ARID1B: variants seen among roughly 807,000 people sequenced by gnomAD.
The protein encoded by ARID1B is AT-rich interactive domain-containing protein 1B.
A neutral mutation model predicts 212.3 loss-of-function variants in ARID1B; 30 were observed. The ratio of observed to expected loss-of-function variants is 0.14; its 90% CI spans 0.11 to 0.19. ARID1B has a LOEUF of 0.19. Among genes scored for constraint, ARID1B ranks in the 10% least tolerant of loss-of-function variants. The probability of loss-of-function intolerance (pLI) is 1.00; values close to 1 mark genes in which losing one functional copy is unlikely to be tolerated. For missense variants in ARID1B, 2,891 were observed against 3,204.0 expected (o/e 0.90, Z 2.36); for synonymous variants, 1,402 against 1,301.7 (o/e 1.08, Z -1.66).
In ARID1B at chr6:156,935,493, A is replaced by G. The variant is rs1554270807; in HGVS notation, c.2164A>G (p.Arg722Gly). Residue 722 changes from arginine (R) to glycine (G), a missense_variant, in exon 4 of 20, where the codon AGA becomes GGA. Transcript: ENST00000636930. ...CATGTCTCAGGAAGGCTATGGAACTAGATCTCAACCTCCTCTGGCCCCCGG... is the reference window on the plus strand; with the variant it reads ...CATGTCTCAGGAAGGCTATGGAACTGGATCTCAACCTCCTCTGGCCCCCGG... The part of the protein sequence containing the change: ...QDMSQEGYGT[R>G]SQPPLAPGKP... 6.2e-7 allele frequency: 1 copy of G among 1,613,884 alleles called. No homozygotes were observed. The highest frequency in any genetic ancestry group is 8.5e-7 in the Non-Finnish European group (1 of 1,179,792).
intron 6 of ARID1B, among the ~76,000 whole-genome samples, chr6:157,132,693 G>T (rs545350243): frequency 2.0e-5 from 3 of 152,314 alleles, no homozygotes; most frequent in African/African-American, 7.2e-5. Context: ...TTGCAGTACA[G>T]CAGTCGGTCA....
At chr6:156,944,633 A>T (rs1792925707) in intron 4 of ARID1B, among the ~76,000 whole-genome samples, 1 of 152,226 alleles carries the variant, frequency 6.6e-6, no homozygotes. Context: ...TTCTGAACCA[A>T]GTTGATCATG....
rs980070415 is a variant in ARID1B at position 157,210,292 on chromosome 6, T to C, written c.*2401T>C. On this transcript the variant is annotated 3_prime_UTR_variant, in exon 20 of 20. Coordinates refer to ENST00000636930, the MANE Select transcript of ARID1B (RefSeq NM_001374828.1). Reference sequence around the variant, plus strand: ...AAATATGGAGATTTGTAAGAGGGAATTCAATATTATTCTAATTTCTCTCTT... The same window carrying C: ...AAATATGGAGATTTGTAAGAGGGAACTCAATATTATTCTAATTTCTCTCTT... 4.3e-6 allele frequency: 1 copy of C among 230,706 alleles called. No homozygotes were observed. The highest frequency in any genetic ancestry group is 8.6e-6 in the Non-Finnish European group (1 of 116,640). The allele number at this position is 230,706 out of a possible 1,614,324, so 14.3% of individuals were successfully genotyped here. A position where few individuals can be genotyped will look rare whatever the true frequency, so the allele number is the denominator to read the frequency against.
At chr6:156,782,165 G>A (rs1779329008) in intron 1 of ARID1B, among the ~76,000 whole-genome samples, 1 of 151,392 alleles carries the variant, frequency 6.6e-6, no homozygotes, top group African/African-American at 2.4e-5. Flanking sequence ...ATTATACTAA[G>A]AAACAGTCAT....
chr6:156,966,385 TC>T (rs375140985), intron 4 of ARID1B, among the ~76,000 whole-genome samples: 25,386 of 81,158 alleles, frequency 0.31, 2,741 homozygotes, highest in East Asian at 0.51. Context: ...TCTTTTCTTT[TC>T]TTTTTTTTTT....
At chr6:157,009,237 G>C (rs1347258488) in intron 4 of ARID1B, among the ~76,000 whole-genome samples, 1 of 152,226 alleles carries the variant, frequency 6.6e-6, no homozygotes, top group African/African-American at 2.4e-5. Flanking sequence ...CAGTAGTTCT[G>C]TGTTGAGTAA....
intron 12 of ARID1B, 126 bp downstream of exon 12, chr6:157,181,304 G>T: frequency 8.1e-7 from 1 of 1,229,228 alleles, no homozygotes; most frequent in South Asian, 1.5e-5. Flanking sequence ...TGTGAAAGTC[G>T]CCTTCTTGCA....
At chr6:157,118,122 C>G (rs912687683) in intron 6 of ARID1B, among the ~76,000 whole-genome samples, 4 of 152,174 alleles carry the variant, frequency 2.6e-5, no homozygotes, top group Admixed American at 2.0e-4. Context: ...GAAAATTACT[C>G]TTGAATATCT....
chr6:156,850,144 A>G (rs1208850785), intron 2 of ARID1B, among the ~76,000 whole-genome samples: 1 of 151,588 alleles, frequency 6.6e-6, no homozygotes, highest in African/African-American at 2.4e-5. Flanking sequence ...ACCAATTGAC[A>G]GGCTGCACTG....
In ARID1B at chr6:157,069,355, T is replaced by C. The variant is rs1023503255; in HGVS notation, c.2248-15307T>C. Among the ~76,000 whole-genome samples the C allele has an allele frequency of 5.9e-5, 9 of 152,236 alleles. No individual in the cohort carries two copies. The East Asian group carries it at 1.7e-3, about 29-fold the overall frequency. ...GTAGCAAGTTCCTGAGGACTGTTTA[T>C]GGCCTCTCATTGTCAACTGTGGGCT... is the stretch of plus-strand genomic sequence containing the variant. On this transcript the variant is annotated intron_variant, in intron 4 of 19. Transcript: ENST00000636930.
At chr6:156,866,292 A>G (rs1247717868) in intron 2 of ARID1B, among the ~76,000 whole-genome samples, 1 of 152,108 alleles carries the variant, frequency 6.6e-6, no homozygotes, top group East Asian at 1.9e-4. Flanking sequence ...TGCCAGGGTG[A>G]AGGAGGAGCT....
chr6:157,063,121 CT>C (rs370603043), intron 4 of ARID1B, among the ~76,000 whole-genome samples: 5,964 of 146,318 alleles, frequency 0.041, 370 homozygotes, highest in African/African-American at 0.14. Context: ...TGGCTTTTCC[CT>C]TTTTTTTTTT....
Position 156,955,974 on chromosome 6 carries a change from T to C in ARID1B, c.2247+20398T>C, listed in dbSNP as rs1490239828. ...ATCTGTGTATCTGCCAAGTGCCCTG[T>C]GCTTTGCTTTTTACCACCAACTGCT... On this transcript the variant is annotated intron_variant, in intron 4 of 19. Coordinates refer to ENST00000636930, the MANE Select transcript of ARID1B (RefSeq NM_001374828.1). This position sits in a 1 kb window ranked among gnomAD's most constrained non-coding sequence, Gnocchi z 4.2. Among the ~76,000 whole-genome samples, 2 of 152,308 alleles carry C rather than the reference T, an allele frequency of 1.3e-5. No individual in the cohort carries two copies. The highest frequency in any genetic ancestry group is 1.9e-4 in the East Asian group (1 of 5,172).
chr6:156,992,044 G>A (rs1274031562), intron 4 of ARID1B, among the ~76,000 whole-genome samples: 1 of 152,146 alleles, frequency 6.6e-6, no homozygotes, highest in Non-Finnish European at 1.5e-5. Flanking sequence ...CTTAGACATA[G>A]GCATTATTTT....
chr6:156,903,233 A>T (rs1331154475), intron 3 of ARID1B, among the ~76,000 whole-genome samples: 6 of 152,226 alleles, frequency 3.9e-5, no homozygotes, highest in Non-Finnish European at 5.9e-5. Flanking sequence ...TCTTATTTTA[A>T]TGAATATTAT....
intron 3 of ARID1B, among the ~76,000 whole-genome samples, chr6:156,915,579 A>T (rs1475994911): frequency 2.3e-5 from 3 of 131,616 alleles, no homozygotes; most frequent in African/African-American, 1.1e-4. Context: ...AAAAAAATTA[A>T]AAAAAAAAAA....
intron 8 of ARID1B, among the ~76,000 whole-genome samples, chr6:157,160,455 C>T (rs1790854272): frequency 6.6e-6 from 1 of 152,212 alleles, no homozygotes; most frequent in Non-Finnish European, 1.5e-5. Flanking sequence ...CACGATATTG[C>T]TCAACTCTCT....
chr6:157,153,351 A>G (rs1790337084), intron 8 of ARID1B, among the ~76,000 whole-genome samples: 1 of 152,238 alleles, frequency 6.6e-6, no homozygotes. Context: ...TATAAGTAAT[A>G]TCTGTACAGA....
At position 157,203,643 on chromosome 6, in the gene ARID1B, C is replaced by T. The variant is rs1794258491; in HGVS notation, c.5264-223C>T. 8 of 563,926 alleles carry T rather than the reference C, an allele frequency of 1.4e-5. No individual in the cohort carries two copies. Among genetic ancestry groups the T allele is most frequent in the South Asian group, 6.0e-5 (3 of 50,050 alleles). 34.9% of individuals were successfully genotyped at this position (563,926 alleles called of 1,614,324 possible). On this transcript the variant is annotated intron_variant, in intron 18 of 19. Coordinates refer to ENST00000636930, the MANE Select transcript of ARID1B (RefSeq NM_001374828.1). This position sits in a 1 kb window ranked among gnomAD's most constrained non-coding sequence, Gnocchi z 4.4. The stretch of plus-strand genomic sequence containing the variant: ...CCTCCAGAAGCACTTTCGGCCCCTG[C>T]GTGACCAACAAAGCGAGATCTGAAA...
Sources: allele counts gnomAD v4.1 joint callset (sites outside exome capture counted in the v4.1 genomes callset), GRCh38; gene constraint gnomAD v4.1.1; non-coding constraint Gnocchi (gnomAD v3.1); transcripts MANE v1.5; gene names NCBI Gene and HGNC (gene_info 2026-07-23, HGNC 2026-07-21).